Variants in ABCC4 observed in about 807,000 individuals in gnomAD.
The protein encoded by ABCC4 is ATP-binding cassette sub-family C member 4.
A neutral mutation model predicts 168.5 loss-of-function variants in ABCC4; 102 were observed. The observed-to-expected ratio is 0.61, with a 90% CI of 0.52 to 0.71. The LOEUF is 0.71. Among genes scored for constraint, ABCC4 ranks in the 30% least tolerant of loss-of-function variants. The pLI is 0.00. For missense variants in ABCC4, 1,402 were observed against 1,605.8 expected, an observed-to-expected ratio of 0.87 and a Z score of 2.17; for synonymous variants, 617 against 590.7, an observed-to-expected ratio of 1.04 and a Z score of -0.65.
intron 19 of ABCC4, among the ~76,000 whole-genome samples, chr13:95,157,793 G>A (rs575105815): frequency 1.0e-3 from 159 of 152,266 alleles, no homozygotes; most frequent in African/African-American, 2.1e-3. Flanking sequence ...ACTTCAGGCC[G>A]GGCGCGGTGG....
chr13:95,253,837 G>A (rs535683910), intron 1 of ABCC4, among the ~76,000 whole-genome samples: 1 of 152,158 alleles, frequency 6.6e-6, no homozygotes, highest in East Asian at 1.9e-4. Context: ...TACATGGAAG[G>A]TTAAGTGTTC....
intron 21 of ABCC4, among the ~76,000 whole-genome samples, chr13:95,077,042 C>A (rs1476546523): frequency 6.6e-6 from 1 of 152,156 alleles, no homozygotes; most frequent in Admixed American, 6.5e-5. Flanking sequence ...TTCAAGCACA[C>A]CATTTGATGA....
At chr13:95,158,071 CAAAA>C (rs35037278) in intron 19 of ABCC4, among the ~76,000 whole-genome samples, 4 of 84,672 alleles carry the variant, frequency 4.7e-5, no homozygotes, top group Non-Finnish European at 5.4e-5. Context: ...GACTCCGTCT[CAAAA>C]AAAAAAAAAA....
chr13:95,072,189 G>A lies in ABCC4; in HGVS notation c.3019-336C>T, dbSNP rs557956922. On this transcript the variant is annotated intron_variant, in intron 24 of 30. Transcript: ENST00000645237. The stretch of plus-strand genomic sequence containing the variant: ...CAAGAATCTTTTGCTGGCTGGGCGC[G>A]GTGGCTCATGCCTATAATCCCAGCA... Among the ~76,000 whole-genome samples, 14 of 152,306 alleles carry A rather than the reference G, an allele frequency of 9.2e-5. No homozygotes were observed. The South Asian group carries it at 1.0e-3, about 11-fold the overall frequency.
rs868645270 is a variant in ABCC4 at position 95,196,655 on chromosome 13, A to C, written c.1162-1718T>G. On this transcript the variant is annotated intron_variant, in intron 8 of 30. Coordinates refer to ENST00000645237, the MANE Select transcript of ABCC4 (RefSeq NM_005845.5). ...AAGGAAGGAAGGAAGGAAGGAAGGA[A>C]GGAAGGAAGGAAGGAAGGAAGGAAG... 2.2e-3 allele frequency among the ~76,000 whole-genome samples: 73 copies of C among 33,644 alleles called. 4 individuals are homozygous for C. The highest frequency in any genetic ancestry group is 9.2e-3 in the African/African-American group (67 of 7,250). The allele number at this position is 33,644 out of a possible 152,430, so 22.1% of individuals were successfully genotyped here.
chr13:95,037,102 A>AC (rs1555303255), intron 29 of ABCC4, among the ~76,000 whole-genome samples: 3 of 147,828 alleles, frequency 2.0e-5, no homozygotes, highest in Admixed American at 6.8e-5. Context: ...AAAAAAAAAA[A>AC]CCCCAAAATC....
At chr13:95,201,991 G>A (rs1033618987) in intron 8 of ABCC4, among the ~76,000 whole-genome samples, 2 of 152,092 alleles carry the variant, frequency 1.3e-5, no homozygotes, top group African/African-American at 4.8e-5. Flanking sequence ...AAAAGACTGT[G>A]ATGGTGAATT....
At chr13:95,040,832 TAC>T (rs879635075) in intron 29 of ABCC4, among the ~76,000 whole-genome samples, 6 of 152,238 alleles carry the variant, frequency 3.9e-5, no homozygotes, top group Non-Finnish European at 7.3e-5. Context: ...ATATACATTA[TAC>T]ACCCATAAGA....
chr13:95,242,830 T>C (rs1393391951), intron 3 of ABCC4, among the ~76,000 whole-genome samples: 1 of 151,990 alleles, frequency 6.6e-6, no homozygotes, highest in Non-Finnish European at 1.5e-5. Flanking sequence ...GGGAAAACAA[T>C]AGTATTTATA....
At chr13:95,038,840 T>A (rs2032238778) in intron 29 of ABCC4, among the ~76,000 whole-genome samples, 1 of 151,762 alleles carries the variant, frequency 6.6e-6, no homozygotes, top group South Asian at 2.1e-4. Flanking sequence ...AGAGAAAGAG[T>A]CTAGCTGGCC....
intron 19 of ABCC4, among the ~76,000 whole-genome samples, chr13:95,118,531 A>C (rs1012707484): frequency 6.6e-6 from 1 of 152,326 alleles, no homozygotes; most frequent in East Asian, 1.9e-4. Context: ...GGTGTGAGCC[A>C]TAGCACCCGG....
intron 27 of ABCC4, among the ~76,000 whole-genome samples, chr13:95,050,706 T>C (rs2032793683): frequency 6.6e-6 from 1 of 152,308 alleles, no homozygotes; most frequent in East Asian, 1.9e-4. Context: ...ACCTACCACG[T>C]CTTCCACCTC....
intron 19 of ABCC4, among the ~76,000 whole-genome samples, chr13:95,130,279 T>C (rs976011076): frequency 6.6e-6 from 1 of 152,188 alleles, no homozygotes; most frequent in South Asian, 2.1e-4. Flanking sequence ...TTAAGAGATA[T>C]ACAAACTATG....
At chr13:95,161,065 G>C (rs2037082752) in intron 19 of ABCC4, 124 bp downstream of exon 19, 1 of 434,730 alleles carries the variant, frequency 2.3e-6, no homozygotes, top group African/African-American at 2.5e-5. Context: ...TGTGGAAAAT[G>C]AATCAACATG....
At chr13:95,196,277 G>A (rs1042256921) in intron 8 of ABCC4, among the ~76,000 whole-genome samples, 2 of 152,062 alleles carry the variant, frequency 1.3e-5, no homozygotes, top group Non-Finnish European at 2.9e-5. Context: ...TTTAGCCAAC[G>A]CACAGCAGCC....
intron 27 of ABCC4, among the ~76,000 whole-genome samples, chr13:95,047,153 T>G (rs1449973951): frequency 6.6e-6 from 1 of 152,208 alleles, no homozygotes; most frequent in Non-Finnish European, 1.5e-5. Flanking sequence ...ATAATACTAT[T>G]CATTTGACTG....
chr13:95,163,799 G>T, intron 16 of ABCC4, 152 bp from the exon 17 acceptor site: 1 of 648,416 alleles, frequency 1.5e-6, no homozygotes, highest in Non-Finnish European at 2.7e-6. Flanking sequence ...TTGGGAGGCT[G>T]AGGCAGGCGG....
At chr13:95,181,724 C>T (rs906038819) in intron 11 of ABCC4, among the ~76,000 whole-genome samples, 2 of 152,198 alleles carry the variant, frequency 1.3e-5, no homozygotes, top group Admixed American at 1.3e-4. Flanking sequence ...GAAGTGAGAG[C>T]ACGTAACTGG....
intron 20 of ABCC4, among the ~76,000 whole-genome samples, chr13:95,100,239 C>T (rs2034749319): frequency 6.6e-6 from 1 of 152,144 alleles, no homozygotes; most frequent in East Asian, 1.9e-4. Context: ...CTGAATACCA[C>T]CAGACTTGAT....
Sources: gnomAD v4.1 joint callset for allele counts (sites outside exome capture counted in the v4.1 genomes callset) on GRCh38, gnomAD v4.1.1 for gene constraint, MANE v1.5 for transcripts, NCBI Gene and HGNC (gene_info 2026-07-23, HGNC 2026-07-21) for gene names.